THBS2: variants seen among roughly 807,000 people sequenced by gnomAD.
The protein encoded by THBS2 is thrombospondin 2, also known as thrombospondin-2.
THBS2 carries 47 observed loss-of-function variants against 135.2 expected under a neutral mutation model. The observed-to-expected ratio is 0.35, with a 90% CI of 0.28 to 0.44. The LOEUF (loss-of-function observed/expected upper bound fraction) is 0.44, where lower values mean the gene tolerates loss of function less well. THBS2 is among the 20% of genes least tolerant of loss of function. The probability of loss-of-function intolerance (pLI) is 1.00; values close to 1 mark genes in which losing one functional copy is unlikely to be tolerated. For missense variants in THBS2, 1,288 were observed against 1,603.1 expected, an observed-to-expected ratio of 0.80 and a Z score of 3.36; for synonymous variants, 639 against 633.8, an observed-to-expected ratio of 1.01 and a Z score of -0.12.
intron 20 of THBS2, 73 bp from the exon 21 acceptor site, chr6:169,220,410 G>A (rs938770152): frequency 1.3e-6 from 2 of 1,540,102 alleles, no homozygotes; most frequent in African/African-American, 2.7e-5. Context: ...CACCAGTGAT[G>A]GAAGGTTGGC....
intron 3 of THBS2, among the ~76,000 whole-genome samples, chr6:169,247,417 TTGTG>T (rs961036040): frequency 2.0e-5 from 3 of 151,880 alleles, no homozygotes; most frequent in Non-Finnish European, 4.4e-5. Flanking sequence ...CATGAGGTGT[TTGTG>T]TGTATGTATA....
chr6:169,233,140 C>G (rs1779910855), intron 10 of THBS2, 123 bp from the exon 11 acceptor site: 1 of 1,337,908 alleles, frequency 7.5e-7, no homozygotes, highest in Non-Finnish European at 9.8e-7. Context: ...GTCAGGAACA[C>G]TCTGGTGTGA....
At position 169,217,587 on chromosome 6, in the gene THBS2, A is replaced by G. The variant is rs1779220231; in HGVS notation, c.*235T>C. On this transcript the variant is annotated 3_prime_UTR_variant, in exon 22 of 22. Transcript: ENST00000617924. ...TTTCACTCCACATAAAGTCTCATAT[A>G]TCACCAAACTGGTTTCCTCTAGTGG... 1 of 488,156 alleles carries G rather than the reference A, an allele frequency of 2.0e-6. No individual in the cohort carries two copies. The highest frequency in any genetic ancestry group is 3.8e-5 in the Admixed American group (1 of 26,344). The allele number at this position is 488,156 out of a possible 1,614,324, so 30.2% of individuals were successfully genotyped here.
Position 169,240,676 on chromosome 6 carries a change from C to T in THBS2, c.892-84G>A, listed in dbSNP as rs182106787. 6.7e-6 allele frequency: 10 copies of T among 1,503,476 alleles called. No individual in the cohort carries two copies. The Admixed American group carries it at 2.0e-4, about 30-fold the overall frequency. 93.1% of individuals were successfully genotyped at this position (1,503,476 alleles called of 1,614,324 possible). On this transcript the variant is annotated intron_variant, in intron 5 of 21. Transcript: ENST00000617924. ...TGCTTGTGGATGAAAAACAAAGTTC[C>T]TCCTTCATTAAAAAGCTCTAAAGTC...
At position 169,222,412 on chromosome 6, in the gene THBS2, G is replaced by A. The variant is rs144671564; in HGVS notation, c.3058C>T (p.Arg1020Trp). Residue 1020 changes from arginine to tryptophan, a missense_variant, in exon 19 of 22, where the codon CGG (arginine) becomes TGG (tryptophan). Arg to Trp is a moderately radical substitution (Grantham distance 101, BLOSUM62 -3). Transcript: ENST00000617924. ...ACGAAGCCGGCATAGTCGTCGTCCCGGTCAGTGTTTACGTAGAATGTGCCA... is the reference window on the plus strand; with the variant it reads ...ACGAAGCCGGCATAGTCGTCGTCCCAGTCAGTGTTTACGTAGAATGTGCCA... ...FSGTFYVNTD[R>W]DDDYAGFVFG... 10 of 1,613,734 alleles carry A rather than the reference G, an allele frequency of 6.2e-6. No homozygotes were observed. Among genetic ancestry groups the A allele is most frequent in the Non-Finnish European group, 1.7e-6 (2 of 1,180,020 alleles).
intron 10 of THBS2, among the ~76,000 whole-genome samples, chr6:169,233,561 G>C (rs1322329861): frequency 6.8e-6 from 1 of 148,040 alleles, no homozygotes; most frequent in Non-Finnish European, 1.5e-5. Context: ...CCACATTCCA[G>C]ACCACACAAC....
chr6:169,243,623 T>C (rs1262303828), intron 4 of THBS2, among the ~76,000 whole-genome samples: 3 of 152,210 alleles, frequency 2.0e-5, no homozygotes, highest in African/African-American at 7.2e-5. Flanking sequence ...ATCAGGTCAA[T>C]ATCAACACAT....
At chr6:169,249,808 A>G (rs577869650) in intron 2 of THBS2, among the ~76,000 whole-genome samples, 3 of 152,172 alleles carry the variant, frequency 2.0e-5, no homozygotes, top group African/African-American at 4.8e-5. Flanking sequence ...AGGTGGGTGG[A>G]TCATGAGGTC....
intron 21 of THBS2, among the ~76,000 whole-genome samples, chr6:169,218,255 GGGTGGATGGATGGATGAAATGGATT>G (rs1779260159): frequency 2.0e-5 from 3 of 151,200 alleles, no homozygotes; most frequent in Non-Finnish European, 4.4e-5. Context: ...ATGGATGGAT[GGGTGGATGGATGGATGAAATGGATT>G]GGTGGATGGA....
At position 169,248,993 on chromosome 6, in the gene THBS2, G is replaced by A. The variant is rs1313080069; in HGVS notation, c.53-20C>T. 6.3e-7 allele frequency: 1 copy of A among 1,578,380 alleles called. No homozygotes were observed. The highest frequency in any genetic ancestry group is 8.6e-7 in the Non-Finnish European group (1 of 1,158,228). On this transcript the variant is annotated intron_variant, in intron 2 of 21. Transcript: ENST00000617924. ...GACCAGCTGCAAAGGGAACCGCAGT[G>A]GAGAAGGGTGACGTAGGGGAAGAGG...
intron 10 of THBS2, among the ~76,000 whole-genome samples, chr6:169,233,623 G>C (rs1413566989): frequency 7.3e-6 from 1 of 136,200 alleles, no homozygotes; most frequent in Non-Finnish European, 1.6e-5. Context: ...CCATGTTCCA[G>C]ACCACACAGC....
At chr6:169,235,005 T>C in intron 9 of THBS2, 98 bp from the exon 10 acceptor site, 1 of 1,236,628 alleles carries the variant, frequency 8.1e-7, no homozygotes, top group South Asian at 1.5e-5. Context: ...GACATGGTGT[T>C]CCCTACACAG....
chr6:169,217,770 T>G lies in THBS2; in HGVS notation c.*52A>C. 1 of 1,603,416 alleles carries G rather than the reference T, an allele frequency of 6.2e-7. No individual in the cohort carries two copies. The highest frequency in any genetic ancestry group is 8.5e-7 in the Non-Finnish European group (1 of 1,174,020). ...ACAAGGACCACAATGAACTGAGGTGTCTAGGGACCATGGCATGCACAGGGC... is the reference window on the plus strand; with the variant it reads ...ACAAGGACCACAATGAACTGAGGTGGCTAGGGACCATGGCATGCACAGGGC... On this transcript the variant is annotated 3_prime_UTR_variant, in exon 22 of 22. Coordinates refer to ENST00000617924, the MANE Select transcript of THBS2 (RefSeq NM_003247.5).
At chr6:169,239,307 C>T (rs568057457) in intron 7 of THBS2, 11 of 443,436 alleles carry the variant, frequency 2.5e-5, no homozygotes, top group African/African-American at 7.9e-5. Flanking sequence ...GGGGCTCCAT[C>T]GGGGCCTGCT....
At chr6:169,235,643 C>A (rs1357483030) in intron 9 of THBS2, among the ~76,000 whole-genome samples, 2 of 151,900 alleles carry the variant, frequency 1.3e-5, no homozygotes. Flanking sequence ...CATCCTCTGT[C>A]CACACTCACT....
At chr6:169,240,405 G>A (rs368079802) in intron 6 of THBS2, 47 bp downstream of exon 6, 855 of 1,602,762 alleles carry the variant, frequency 5.3e-4, no homozygotes, top group Non-Finnish European at 6.9e-4. Context: ...TCTGCCAAGT[G>A]TCCGATGGTG....
At position 169,241,368 on chromosome 6, in the gene THBS2, C is replaced by G. The variant is rs1417310693; in HGVS notation, c.891+394G>C. Among the ~76,000 whole-genome samples the G allele has an allele frequency of 6.6e-6, 1 of 152,060 alleles. No individual in the cohort carries two copies. The highest frequency in any genetic ancestry group is 2.4e-5 in the African/African-American group (1 of 41,394). ...CTGCCTCTTCAGCTATGCCAACATGCAGTCCTTGAAATAAAATTATTTTCC... is the reference window on the plus strand; with the variant it reads ...CTGCCTCTTCAGCTATGCCAACATGGAGTCCTTGAAATAAAATTATTTTCC... On this transcript the variant is annotated intron_variant, in intron 5 of 21. Transcript: ENST00000617924. This position sits in a 1 kb window ranked among gnomAD's most constrained non-coding sequence, Gnocchi z 5.5.
At chr6:169,236,018 T>C (rs1475569582) in intron 9 of THBS2, among the ~76,000 whole-genome samples, 1 of 35,586 alleles carries the variant, frequency 2.8e-5, no homozygotes, top group Non-Finnish European at 5.0e-5. Context: ...ATCCACACTC[T>C]CCCTCCCCCA....
intron 7 of THBS2, 148 bp from the exon 8 acceptor site, chr6:169,237,943 C>T: frequency 9.4e-7 from 1 of 1,059,642 alleles, no homozygotes; most frequent in Non-Finnish European, 1.3e-6. Context: ...AGGTGGACAT[C>T]CCAGTGGCTG....
Sources: gnomAD v4.1 joint callset for allele counts (sites outside exome capture counted in the v4.1 genomes callset) on GRCh38, gnomAD v4.1.1 for gene constraint, Gnocchi (gnomAD v3.1) non-coding constraint, MANE v1.5 for transcripts, NCBI Gene and HGNC (gene_info 2026-07-23, HGNC 2026-07-21) for gene names.